Variants in ARHGEF18 observed in about 807,000 individuals in gnomAD.
The protein encoded by ARHGEF18 is Rho/Rac guanine nucleotide exchange factor 18, also known as rho guanine nucleotide exchange factor 18.
In ARHGEF18, 93 loss-of-function variants were observed where a neutral mutation model predicts 155.7. The ratio of observed to expected loss-of-function variants is 0.60; its 90% CI spans 0.50 to 0.71. The LOEUF is 0.71. Among genes scored for constraint, ARHGEF18 ranks in the 30% least tolerant of loss-of-function variants. The pLI is 0.00. For synonymous variants in ARHGEF18, 742 were observed against 753.1 expected, an observed-to-expected ratio of 0.99 and a Z score of 0.24; for missense variants, 1,593 against 1,816.1, an observed-to-expected ratio of 0.88 and a Z score of 2.23.
intron 5 of ARHGEF18, among the ~76,000 whole-genome samples, chr19:7,377,306 A>G (rs1480957236): frequency 6.6e-6 from 1 of 152,006 alleles, no homozygotes; most frequent in Non-Finnish European, 1.5e-5. Flanking sequence ...CCTGGCCTCT[A>G]GTGATCGGCC....
intron 2 of ARHGEF18, among the ~76,000 whole-genome samples, chr19:7,371,629 C>A (rs1332606743): frequency 6.6e-6 from 1 of 151,924 alleles, no homozygotes. Flanking sequence ...GAGACCAACC[C>A]GGCCAACATT....
chr19:7,479,463 G>A, the ARHGEF18 span, among the ~76,000 whole-genome samples: 7 of 152,304 alleles, frequency 4.6e-5, no homozygotes, highest in South Asian at 2.1e-4. Context: ...CAGCCTGGGC[G>A]ACAGAGGAAG....
Position 7,453,560 on chromosome 19 carries a change from A to G in ARHGEF18, c.1949A>G (p.Lys650Arg), listed in dbSNP as rs771002683. ...QVDAKVSECE[K>R]GQRLREIAGK... is the part of the protein sequence containing the mutation. ...GACGCCAAGGTCAGTGAGTGTGAGA[A>G]GGGCCAGCGCCTCAGGGAGATCGCA... Residue 650 changes from lysine to arginine, a missense_variant, in exon 17 of 29, where the codon AAG becomes AGG. By Grantham distance (26) the Lys-to-Arg change is conservative. Coordinates refer to ENST00000668164, the MANE Select transcript of ARHGEF18 (RefSeq NM_001367823.1). The G allele has an allele frequency of 6.2e-7, 1 of 1,614,120 alleles. No homozygotes were observed. The highest frequency in any genetic ancestry group is 8.5e-7 in the Non-Finnish European group (1 of 1,179,992).
chr19:7,372,476 G>GA lies in ARHGEF18; in HGVS notation c.16-325dup, dbSNP rs66871458. On this transcript the variant is annotated intron_variant, in intron 2 of 28. Transcript: ENST00000668164. ...ACAGGAGCAGAAACTGTACCAAAAA[G>GA]AAAAAAAAAAAGAGAGAGAGATAAT... is the stretch of plus-strand genomic sequence containing the variant. Among the ~76,000 whole-genome samples, 997 of 147,404 alleles carry GA rather than the reference G, an allele frequency of 6.8e-3. 7 individuals carry two copies. The highest frequency in any genetic ancestry group is 0.022 in the African/African-American group (910 of 40,522).
At chr19:7,351,710 T>A (rs572679357) in intron 1 of ARHGEF18, among the ~76,000 whole-genome samples, 195 of 148,786 alleles carry the variant, frequency 1.3e-3, no homozygotes, top group African/African-American at 4.4e-3. Flanking sequence ...CTCTCTTTTT[T>A]TTTTTTTTTT....
downstream of ARHGEF18, chr19:7,477,047 C>A: frequency 6.5e-6 from 4 of 618,508 alleles, no homozygotes; most frequent in Non-Finnish European, 9.8e-6. Flanking sequence ...AGGCTGAGGC[C>A]TGGGGGACCT....
chr19:7,464,154 C>T (rs1039592368), intron 22 of ARHGEF18, among the ~76,000 whole-genome samples, 199 bp downstream of exon 22: 1 of 152,188 alleles, frequency 6.6e-6, no homozygotes, highest in African/African-American at 2.4e-5. Flanking sequence ...TCTCCCGCCT[C>T]AGCCTACCAA....
intron 10 of ARHGEF18, among the ~76,000 whole-genome samples, chr19:7,402,858 A>T (rs1429060343): frequency 6.6e-6 from 1 of 152,198 alleles, no homozygotes; most frequent in Admixed American, 6.6e-5. Flanking sequence ...GAGCAGGTAT[A>T]GCCCAGGCAT....
intron 10 of ARHGEF18, among the ~76,000 whole-genome samples, chr19:7,437,942 C>G (rs1290664725): frequency 3.3e-5 from 5 of 152,002 alleles, no homozygotes; most frequent in Admixed American, 1.3e-4. Flanking sequence ...TGCACCTGAT[C>G]TGACAAATCA....
In ARHGEF18 at chr19:7,373,965, T is replaced by A. The variant is rs923730721; in HGVS notation, c.275+894T>A. On this transcript the variant is annotated intron_variant, in intron 3 of 28. Transcript: ENST00000668164. ...TAGTAGAGATGGAGTTTTACCATGT[T>A]GGCCAGACTAGTCTCAAACTCCTGA... 5.9e-5 allele frequency among the ~76,000 whole-genome samples: 9 copies of A among 151,884 alleles called. No individual in the cohort carries two copies. The South Asian group carries it at 1.5e-3, about 25-fold the overall frequency.
chr19:7,450,907 T>G (rs79486992), intron 15 of ARHGEF18, among the ~76,000 whole-genome samples: 1 of 2,292 alleles, frequency 4.4e-4, no homozygotes, highest in Non-Finnish European at 1.1e-3. Flanking sequence ...TGTACCTTTC[T>G]GAGATGTTAA....
downstream of ARHGEF18, among the ~76,000 whole-genome samples, chr19:7,476,590 C>T (rs1020180828): frequency 6.6e-6 from 1 of 152,236 alleles, no homozygotes; most frequent in African/African-American, 2.4e-5. Context: ...AGTGGCCCTG[C>T]GTCGGCAGCA....
At chr19:7,363,932 AGAAT>A (rs1600190197) in intron 2 of ARHGEF18, among the ~76,000 whole-genome samples, 1 of 151,098 alleles carries the variant, frequency 6.6e-6, no homozygotes, top group Non-Finnish European at 1.5e-5. Context: ...GATAAATAAA[AGAAT>A]GAAGGAAGGA....
chr19:7,419,389 C>T (rs531335935), intron 10 of ARHGEF18, among the ~76,000 whole-genome samples: 23 of 148,608 alleles, frequency 1.5e-4, no homozygotes, highest in African/African-American at 5.4e-4. Flanking sequence ...CACCCAGATG[C>T]ACCCACACTC....
At chr19:7,432,409 G>A (rs949189940) in intron 10 of ARHGEF18, among the ~76,000 whole-genome samples, 3 of 152,214 alleles carry the variant, frequency 2.0e-5, no homozygotes, top group Admixed American at 6.6e-5. Context: ...GTGAGAAAAG[G>A]AGTCATTATT....
rs1302994200 is a variant in ARHGEF18, at chr19:7,440,970, G to T, written c.1106+488G>T. Among the ~76,000 whole-genome samples the T allele has an allele frequency of 1.3e-5, 2 of 152,140 alleles. No homozygotes were observed. The highest frequency in any genetic ancestry group is 3.9e-4 in the East Asian group (2 of 5,174). On this transcript the variant is annotated intron_variant, in intron 11 of 28. Transcript: ENST00000668164. This position sits in a 1 kb window ranked among gnomAD's most constrained non-coding sequence, Gnocchi z 5.4. ...GGAGTAAATTATCATTTTCCTCTGAGTAAGGACTGCCCTCCCACCTTGACC... is the reference window on the plus strand; with the variant it reads ...GGAGTAAATTATCATTTTCCTCTGATTAAGGACTGCCCTCCCACCTTGACC...
At chr19:7,450,649 G>A (rs1405062435) in intron 15 of ARHGEF18, among the ~76,000 whole-genome samples, 5 of 79,758 alleles carry the variant, frequency 6.3e-5, no homozygotes, top group African/African-American at 1.7e-4. Flanking sequence ...ATGTTAATAC[G>A]GGATCTTGCT....
At chr19:7,357,843 A>G (rs1386633629) in intron 1 of ARHGEF18, among the ~76,000 whole-genome samples, 1 of 151,960 alleles carries the variant, frequency 6.6e-6, no homozygotes, top group Non-Finnish European at 1.5e-5. Context: ...AACTGCCCCC[A>G]TTACCCATTC....
chr19:7,351,147 C>T (rs566268170), intron 1 of ARHGEF18, among the ~76,000 whole-genome samples: 26 of 152,022 alleles, frequency 1.7e-4, no homozygotes, highest in Non-Finnish European at 3.7e-4. Context: ...GTGTCTGGCA[C>T]GTAATAGATC....
Sources: gnomAD v4.1 joint callset for allele counts (sites outside exome capture counted in the v4.1 genomes callset) on GRCh38, gnomAD v4.1.1 for gene constraint, Gnocchi (gnomAD v3.1) non-coding constraint, MANE v1.5 for transcripts, NCBI Gene and HGNC (gene_info 2026-07-23, HGNC 2026-07-21) for gene names.